The following ZNF554 variants were observed in gnomAD, a reference collection of about 807,000 sequenced individuals.
ZNF554 encodes zinc finger protein 554.
In ZNF554, 15 loss-of-function variants were observed where a neutral mutation model predicts 21.2. That is an observed-to-expected ratio of 0.71 (90% CI 0.47 to 1.09). The LOEUF (loss-of-function observed/expected upper bound fraction) is 1.09. ZNF554 is among the 50% of genes least tolerant of loss of function. The pLI, the probability that ZNF554 is intolerant of heterozygous loss-of-function variation, is 0.00. For missense variants in ZNF554, 691 were observed against 662.7 expected (o/e 1.04, Z -0.47); for synonymous variants, 258 against 251.4 (o/e 1.03, Z -0.25).
rs760982581 is a variant in ZNF554, at chr19:2,834,858, G to T, written c.*6G>T. The T allele has an allele frequency of 2.6e-6, 4 of 1,568,222 alleles. No homozygotes were observed. The South Asian group carries it at 3.5e-5, about 14-fold the overall frequency. ...GACATCTTATTGGATATTAGCAATT[G>T]CACGCTGCTTTGTAAGCCACTTTTT... On this transcript the variant is annotated 3_prime_UTR_variant, in exon 5 of 5. Transcript: ENST00000317243.
rs114049457 is a variant in ZNF554 at position 2,833,663 on chromosome 19, C to A, written c.446-18C>A. The A allele has an allele frequency of 2.0e-6, 3 of 1,503,428 alleles. No homozygotes were observed. The highest frequency in any genetic ancestry group is 1.4e-5 in the African/African-American group (1 of 71,442). 93.1% of individuals were successfully genotyped at this position (1,503,428 alleles called of 1,614,324 possible). On this transcript the variant is annotated intron_variant, in intron 4 of 4. Transcript: ENST00000317243. ...TTTCTTCTTCTAAAAAAATGGTTTC[C>A]GCCTCAATTTATTTCAGATTGGATG...
rs1568330714 is a variant in ZNF554, at chr19:2,820,683, C to CTTTTTTTTTTTTTTTTTTTT, written c.53+559_53+560insTTTTTTTTTTTTTTTTTTTT. On this transcript the variant is annotated intron_variant, in intron 1 of 4. Transcript: ENST00000317243. ...GTCCTGGTGATAAGACAGCAAGGGTCCTTTTTTTTTTTTTTTTGAGACGGA... is the reference window on the plus strand; with the variant it reads ...GTCCTGGTGATAAGACAGCAAGGGTCTTTTTTTTTTTTTTTTTTTTCTTTTTTTTTTTTTTTTGAGACGGA... 1.1e-3 allele frequency among the ~76,000 whole-genome samples: 87 copies of CTTTTTTTTTTTTTTTTTTTT among 81,846 alleles called. 3 individuals carry two copies. Among genetic ancestry groups the CTTTTTTTTTTTTTTTTTTTT allele is most frequent in the African/African-American group, 5.1e-3 (84 of 16,504 alleles). The allele number at this position is 81,846 out of a possible 152,430, so 53.7% of individuals were successfully genotyped here. A position where few individuals can be genotyped will look rare whatever the true frequency, so the allele number is the denominator to read the frequency against.
At chr19:2,822,607 TGGC>T (rs2087278269) in intron 1 of ZNF554, among the ~76,000 whole-genome samples, 1 of 152,148 alleles carries the variant, frequency 6.6e-6, no homozygotes, top group Admixed American at 6.5e-5. Context: ...TGGATGTGTG[TGGC>T]GTCTCACACC....
rs777304581 is a variant in ZNF554, at chr19:2,834,458, A to G, written c.1223A>G (p.Tyr408Cys). 11 of 1,613,972 alleles carry G rather than the reference A, an allele frequency of 6.8e-6. No homozygotes were observed. Among genetic ancestry groups the G allele is most frequent in the Middle Eastern group, 1.6e-4 (1 of 6,084 alleles). ...AGGATTCACACCGGGGAAAAGCCCT[A>G]TAAATGTGAAGACTGTGGGAAATCC... ...HQRIHTGEKP[Y>C]KCEDCGKSFC... Residue 408 changes from tyrosine to cysteine, a missense_variant, in exon 5 of 5, where the codon TAT becomes TGT. Physicochemically the swap from Tyr to Cys is radical, Grantham distance 194. Transcript: ENST00000317243.
intron 1 of ZNF554, among the ~76,000 whole-genome samples, chr19:2,822,172 T>C (rs1246585067): frequency 6.6e-6 from 1 of 152,138 alleles, no homozygotes; most frequent in Non-Finnish European, 1.5e-5. Context: ...TGCCTCAGCC[T>C]CCTGAGTAGC....
At chr19:2,831,255 C>T (rs2087412477) in intron 3 of ZNF554, 1 of 151,730 alleles carries the variant, frequency 6.6e-6, no homozygotes, top group Non-Finnish European at 1.5e-5. Flanking sequence ...GCATCCATTC[C>T]TGTGTTTATT....
chr19:2,828,397 A>G (rs2144813412), intron 3 of ZNF554, among the ~76,000 whole-genome samples: 1 of 152,316 alleles, frequency 6.6e-6, no homozygotes, highest in East Asian at 1.9e-4. Context: ...CACTGCTATA[A>G]AGAGTACCAC....
intron 1 of ZNF554, among the ~76,000 whole-genome samples, chr19:2,820,683 C>CTTTTTTTTTTTTTTTTTTTTTTT (rs1568330714): frequency 1.6e-4 from 13 of 81,818 alleles, no homozygotes; most frequent in African/African-American, 7.9e-4. Context: ...CAGCAAGGGT[C>CTTTTTTTTTTTTTTTTTTTTTTT]CTTTTTTTTT....
rs1568332468 is a variant in ZNF554, at chr19:2,825,000, G to GTTTTTTTTTTTTTTTTTTTTTT, written c.126+1890_126+1891insTTTTTTTTTTTTTTTTTTTTTT. ...TCTCACTGAGCATAACGTGATTGCA[G>GTTTTTTTTTTTTTTTTTTTTTT]TTGTTTTTTTTTTTTTTTTTTTTTT... On this transcript the variant is annotated intron_variant, in intron 2 of 4. Transcript: ENST00000317243. Among the ~76,000 whole-genome samples, 3 of 114,914 alleles carry GTTTTTTTTTTTTTTTTTTTTTT rather than the reference G, an allele frequency of 2.6e-5. 1 individual carries two copies. The allele number at this position is 114,914 out of a possible 152,430, so 75.4% of individuals were successfully genotyped here. A position where few individuals can be genotyped will look rare whatever the true frequency, so the allele number is the denominator to read the frequency against.
At position 2,820,217 on chromosome 19, in the gene ZNF554, A is replaced by C. The variant is rs965592691; in HGVS notation, c.53+93A>C. 1.5e-5 allele frequency: 17 copies of C among 1,140,260 alleles called. No individual in the cohort carries two copies. The African/African-American group carries it at 2.1e-4, about 14-fold the overall frequency. The allele number at this position is 1,140,260 out of a possible 1,614,324, so 70.6% of individuals were successfully genotyped here. On this transcript the variant is annotated intron_variant, in intron 1 of 4. Coordinates refer to ENST00000317243, the MANE Select transcript of ZNF554 (RefSeq NM_001102651.2). ...TCTGGCGGGGCCGGGTGGCCGGGGCATGACCCTGTCGCGATAGGGTCCCCA... is the reference window on the plus strand; with the variant it reads ...TCTGGCGGGGCCGGGTGGCCGGGGCCTGACCCTGTCGCGATAGGGTCCCCA...
intron 2 of ZNF554, among the ~76,000 whole-genome samples, chr19:2,824,362 C>T (rs1230300757): frequency 1.3e-5 from 2 of 152,194 alleles, no homozygotes; most frequent in African/African-American, 2.4e-5. Flanking sequence ...AGGCTCGAAT[C>T]CACAGCTACA....
Position 2,832,456 on chromosome 19 carries a change from G to A in ZNF554, c.407G>A (p.Trp136Ter). ...CACTTGGAGCAAAGAGAAGCCCTGT[G>A]GATAGAGGAAAAAGGAACTCCTCAA... ...SSHLEQREAL[W>*]IEEKGTPQAS... Residue 136 changes from tryptophan (W) to a stop codon, truncating the protein, a stop_gained, in exon 4 of 5, where the codon TGG (tryptophan) becomes TAG (stop). Coordinates refer to ENST00000317243, the MANE Select transcript of ZNF554 (RefSeq NM_001102651.2). LOFTEE classifies it low-confidence loss of function (END_TRUNC). 1 of 1,611,972 alleles carries A rather than the reference G, an allele frequency of 6.2e-7. No homozygotes were observed. Among genetic ancestry groups the A allele is most frequent in the Non-Finnish European group, 8.5e-7 (1 of 1,179,352 alleles).
chr19:2,820,069 C>A lies in ZNF554; in HGVS notation c.-3C>A. On this transcript the variant is annotated 5_prime_UTR_variant, in exon 1 of 5. Coordinates refer to ENST00000317243, the MANE Select transcript of ZNF554 (RefSeq NM_001102651.2). ...CCTGTCTGGCGCCTCAGCGCGCGCC[C>A]CGATGGTCACCTGCGCCCACCTGGG... 8.3e-7 allele frequency: 1 copy of A among 1,210,822 alleles called. No individual in the cohort carries two copies. The highest frequency in any genetic ancestry group is 4.1e-5 in the South Asian group (1 of 24,650). 75.0% of individuals were successfully genotyped at this position (1,210,822 alleles called of 1,614,324 possible). A position where few individuals can be genotyped will look rare whatever the true frequency, so the allele number is the denominator to read the frequency against.
rs1040855856 is a variant in ZNF554 at position 2,824,794 on chromosome 19, C to T, written c.126+1682C>T. 5.9e-5 allele frequency among the ~76,000 whole-genome samples: 9 copies of T among 152,146 alleles called. No individual in the cohort carries two copies. In the South Asian group the frequency reaches 1.7e-3, roughly 28 times the overall value. ...TAAGTTGGACAACCATCACCACCCTCCTCTCTAGAACTTCCTCCTCTTCCC... is the reference window on the plus strand; with the variant it reads ...TAAGTTGGACAACCATCACCACCCTTCTCTCTAGAACTTCCTCCTCTTCCC... On this transcript the variant is annotated intron_variant, in intron 2 of 4. Transcript: ENST00000317243.
chr19:2,834,191 C>G lies in ZNF554; in HGVS notation c.956C>G (p.Thr319Arg), dbSNP rs370027656. ...MALTIHNKIN[T>R]AEKPFECHQC... ...CTGACTATCCACAACAAAATCAACA[C>G]GGCAGAGAAACCCTTTGAGTGCCAC... The change falls in exon 5 of 5, where the codon ACG (threonine) becomes AGG (arginine). Residue 319 changes from threonine to arginine, a missense_variant. Thr to Arg is a moderately conservative substitution (Grantham distance 71). Transcript: ENST00000317243. 1.9e-6 allele frequency: 3 copies of G among 1,613,970 alleles called. No individual in the cohort carries two copies. Among genetic ancestry groups the G allele is most frequent in the East Asian group, 4.5e-5 (2 of 44,888 alleles).
At chr19:2,827,373 C>T (rs1343218300) in intron 2 of ZNF554, among the ~76,000 whole-genome samples, 1 of 152,160 alleles carries the variant, frequency 6.6e-6, no homozygotes, top group African/African-American at 2.4e-5. Context: ...AAGAAATGGG[C>T]AAAATGTTTC....
chr19:2,830,518 T>TAGTA (rs1287639817), intron 3 of ZNF554: 2 of 152,250 alleles, frequency 1.3e-5, no homozygotes, highest in African/African-American at 4.8e-5. Flanking sequence ...GGGTCAATAC[T>TAGTA]AGGAGTAGAA....
chr19:2,833,379 C>T, intron 4 of ZNF554: 1 of 202,840 alleles, frequency 4.9e-6, no homozygotes, highest in Admixed American at 5.4e-5. Flanking sequence ...CTGCCTCGGC[C>T]TCCCAAGGTG....
chr19:2,824,757 G>C (rs2087307899), intron 2 of ZNF554, among the ~76,000 whole-genome samples: 1 of 152,148 alleles, frequency 6.6e-6, no homozygotes, highest in Non-Finnish European at 1.5e-5. Context: ...CAAGTGCACA[G>C]CTCAATGGCA....
Sources: gnomAD v4.1 joint callset for allele counts (sites outside exome capture counted in the v4.1 genomes callset) on GRCh38, gnomAD v4.1.1 for gene constraint, MANE v1.5 for transcripts, NCBI Gene and HGNC (gene_info 2026-07-23, HGNC 2026-07-21) for gene names.